The following TMPRSS2 variants were observed in gnomAD, a reference collection of about 807,000 sequenced individuals.
TMPRSS2 encodes the protein transmembrane protease serine 2.
In TMPRSS2, 59 loss-of-function variants were observed where a neutral mutation model predicts 67.4. The observed-to-expected ratio is 0.88, with a 90% CI of 0.71 to 1.09. TMPRSS2 has a LOEUF of 1.09. Among genes scored for constraint, TMPRSS2 ranks in the 50% least tolerant of loss-of-function variants. TMPRSS2 has a pLI of 0.00. For synonymous variants in TMPRSS2, 257 were observed against 257.0 expected (o/e 1.00, Z 0.00); for missense variants, 668 against 642.7 (o/e 1.04, Z -0.43).
intron 5 of TMPRSS2, among the ~76,000 whole-genome samples, chr21:41,481,749 T>G (rs2091259036): frequency 6.6e-6 from 1 of 152,086 alleles, no homozygotes; most frequent in Non-Finnish European, 1.5e-5. Context: ...AAATTAGATC[T>G]CAATAAGCTG....
At chr21:41,506,138 G>A (rs2091456125) in intron 1 of TMPRSS2, among the ~76,000 whole-genome samples, 3 of 152,190 alleles carry the variant, frequency 2.0e-5, no homozygotes, top group South Asian at 4.1e-4. Flanking sequence ...AGTGGCCAAC[G>A]GTGCCAGGCA....
chr21:41,481,267 TCAGACA>T (rs75929377), intron 5 of TMPRSS2, among the ~76,000 whole-genome samples: 53,534 of 151,656 alleles, frequency 0.35, 11,461 homozygotes, highest in Non-Finnish European at 0.49. Context: ...GGAATGAAAT[TCAGACA>T]CAGGCTGCAA....
intron 3 of TMPRSS2, among the ~76,000 whole-genome samples, chr21:41,492,117 T>C (rs1380156090): frequency 1.3e-5 from 2 of 152,168 alleles, no homozygotes; most frequent in Admixed American, 1.3e-4. Flanking sequence ...CGCTTGAACC[T>C]GAGAGGCAGA....
At position 41,480,158 on chromosome 21, in the gene TMPRSS2, C is replaced by A. The variant is rs1332534336; in HGVS notation, c.572+318G>T. The stretch of plus-strand genomic sequence containing the variant: ...GTGAATGGACCCTGGCTGAGAGGCA[C>A]CTTGGAAAAAGAGGCACCTAACGCC... On this transcript the variant is annotated intron_variant, in intron 6 of 13. Coordinates refer to ENST00000332149, the MANE Select transcript of TMPRSS2 (RefSeq NM_005656.4). Among the ~76,000 whole-genome samples, 3 of 152,118 alleles carry A rather than the reference C, an allele frequency of 2.0e-5. 1 individual carries two copies.
At chr21:41,505,641 G>T (rs2091452624) in intron 1 of TMPRSS2, among the ~76,000 whole-genome samples, 1 of 152,328 alleles carries the variant, frequency 6.6e-6, no homozygotes, top group South Asian at 2.1e-4. Context: ...CTGTGGGCAG[G>T]GGCTGGGCTC....
intron 5 of TMPRSS2, among the ~76,000 whole-genome samples, chr21:41,483,114 A>T (rs1476537243): frequency 6.6e-6 from 1 of 152,202 alleles, no homozygotes; most frequent in Non-Finnish European, 1.5e-5. Flanking sequence ...TGTATGCATC[A>T]GGTTCATCGG....
chr21:41,473,634 C>T (rs2091155663), intron 8 of TMPRSS2, 138 bp from the exon 9 acceptor site: 3 of 960,686 alleles, frequency 3.1e-6, no homozygotes, highest in Admixed American at 5.6e-5. Flanking sequence ...ACTTAGGGGG[C>T]TCCTGGGGGT....
intron 5 of TMPRSS2, chr21:41,487,042 T>C (rs560182574): frequency 6.6e-6 from 1 of 152,346 alleles, no homozygotes; most frequent in African/African-American, 2.4e-5. Flanking sequence ...GCTGGGTTTA[T>C]ATCCAAAGGA....
intron 3 of TMPRSS2, among the ~76,000 whole-genome samples, chr21:41,492,790 G>A (rs1375382488): frequency 2.0e-5 from 3 of 152,188 alleles, no homozygotes; most frequent in Non-Finnish European, 4.4e-5. Context: ...TGGGCCAGGG[G>A]TTCGTCTGCC....
intron 3 of TMPRSS2, among the ~76,000 whole-genome samples, chr21:41,494,053 A>G (rs1255523700): frequency 6.6e-6 from 1 of 152,262 alleles, no homozygotes; most frequent in African/African-American, 2.4e-5. Flanking sequence ...CACACAGCCA[A>G]GAAACCCAGA....
chr21:41,484,437 G>A (rs963029829), intron 5 of TMPRSS2, among the ~76,000 whole-genome samples: 4 of 152,150 alleles, frequency 2.6e-5, no homozygotes, highest in African/African-American at 9.7e-5. Context: ...GGAAGAAAGC[G>A]CTACACACAT....
intron 2 of TMPRSS2, among the ~76,000 whole-genome samples, chr21:41,496,650 T>C (rs1405313009): frequency 6.6e-6 from 1 of 151,942 alleles, no homozygotes. Flanking sequence ...CTGTCAAGAC[T>C]CGCCCCAAAC....
At chr21:41,502,516 A>G (rs1274957859) in intron 1 of TMPRSS2, 8 of 985,172 alleles carry the variant, frequency 8.1e-6, no homozygotes, top group Non-Finnish European at 9.6e-6. Flanking sequence ...CAGCACCACC[A>G]CCACCATCCA....
intron 5 of TMPRSS2, among the ~76,000 whole-genome samples, chr21:41,482,937 G>T (rs1389123811): frequency 2.0e-5 from 3 of 152,218 alleles, no homozygotes; most frequent in Non-Finnish European, 2.9e-5. Context: ...AGATCAGATA[G>T]CTGGGGTGAG....
At chr21:41,505,715 C>T (rs372733383) in intron 1 of TMPRSS2, among the ~76,000 whole-genome samples, 35 of 152,286 alleles carry the variant, frequency 2.3e-4, no homozygotes, top group African/African-American at 6.3e-4. Flanking sequence ...GGATTCCGGG[C>T]GCCTTGTTTC....
chr21:41,485,028 G>A (rs1226455246), intron 5 of TMPRSS2, among the ~76,000 whole-genome samples: 2 of 151,642 alleles, frequency 1.3e-5, no homozygotes, highest in Non-Finnish European at 2.9e-5. Flanking sequence ...CAGATGAGTT[G>A]CCCCAAGAAA....
chr21:41,488,491 A>G lies in TMPRSS2; in HGVS notation c.348T>C (p.Ser116=), dbSNP rs1433522378. ...TACCTGAGGAGTCGCACTCTATCCC[A>G]GAGTTGGAGCACTTGCTGCCCACTT... ...WKFMGSKCSN[S]GIECDSSGTC... is the part of the protein sequence containing the mutation. Residue 116 remains serine, a synonymous_variant, in exon 5 of 14, where the codon TCT becomes TCC. Transcript: ENST00000332149. The G allele has an allele frequency of 1.1e-5, 17 of 1,613,534 alleles. No individual in the cohort carries two copies. Among genetic ancestry groups the G allele is most frequent in the Non-Finnish European group, 1.4e-5 (17 of 1,179,594 alleles).
chr21:41,504,406 C>G (rs1412892329), intron 1 of TMPRSS2, among the ~76,000 whole-genome samples: 1 of 152,194 alleles, frequency 6.6e-6, no homozygotes, highest in Non-Finnish European at 1.5e-5. Flanking sequence ...GTTTCCTGCC[C>G]TCTCAAACTT....
Position 41,470,698 on chromosome 21 carries a change from T to C in TMPRSS2, c.1121A>G (p.Gln374Arg), listed in dbSNP as rs2146425370. ...VCLPNPGMML[Q>R]PEQLCWISGW... ...GGAAATCCAGCAGAGCTGTTCTGGC[T>C]GCAGCATCATGCCTGGGTTGGGCAG... The change falls in exon 11 of 14, where the codon CAG becomes CGG. Residue 374 changes from glutamine (Q) to arginine (R), a missense_variant. By Grantham distance (43) the Gln-to-Arg change is conservative. Coordinates refer to ENST00000332149, the MANE Select transcript of TMPRSS2 (RefSeq NM_005656.4). 1 of 1,613,694 alleles carries C rather than the reference T, an allele frequency of 6.2e-7. No individual in the cohort carries two copies. Among genetic ancestry groups the C allele is most frequent in the Non-Finnish European group, 8.5e-7 (1 of 1,179,990 alleles).
Sources: allele counts gnomAD v4.1 joint callset (sites outside exome capture counted in the v4.1 genomes callset), GRCh38; gene constraint gnomAD v4.1.1; transcripts MANE v1.5; gene names NCBI Gene and HGNC (gene_info 2026-07-23, HGNC 2026-07-21).